CUL4A: variants seen among roughly 807,000 people sequenced by gnomAD.
CUL4A encodes cullin 4A.
A neutral mutation model predicts 95.5 loss-of-function variants in CUL4A; 16 were observed. That is an observed-to-expected ratio of 0.17 (90% confidence interval 0.11 to 0.25). The LOEUF is 0.25. Ranked by LOEUF, CUL4A falls within the 10% of genes least tolerant of loss-of-function variation. CUL4A has a pLI of 1.00. For synonymous variants in CUL4A, 380 were observed against 353.1 expected (o/e 1.08, Z -0.85); for missense variants, 610 against 937.0 (o/e 0.65, Z 4.56).
intron 18 of CUL4A, among the ~76,000 whole-genome samples, chr13:113,260,307 T>G (rs1346410542): frequency 6.6e-6 from 1 of 151,150 alleles, no homozygotes; most frequent in South Asian, 2.1e-4. Context: ...TCCCAGCACT[T>G]TGGGAGGCCA....
In CUL4A at chr13:113,265,305, ATGGGAGGGCAAGG is replaced by A. The variant is rs1382046027; in HGVS notation, c.*1731_*1743del. The stretch of plus-strand genomic sequence containing the variant: ...GTGGCTCACGCCTGTAGTCCCAGCT[ATGGGAGGGCAAGG>A]TGGGAGGATCGTTTGAGCCTGAGTT... On this transcript the variant is annotated 3_prime_UTR_variant, in exon 20 of 20. Transcript: ENST00000375440. 3 of 152,356 alleles carry A rather than the reference ATGGGAGGGCAAGG, an allele frequency of 2.0e-5. No homozygotes were observed. The East Asian group carries it at 5.8e-4, about 29-fold the overall frequency. The allele number at this position is 152,356 out of a possible 1,614,324, so 9.4% of individuals were successfully genotyped here.
chr13:113,235,022 T>C, intron 7 of CUL4A, 41 bp from the exon 8 acceptor site: 3 of 1,407,060 alleles, frequency 2.1e-6, no homozygotes, highest in Admixed American at 1.9e-5. Flanking sequence ...AGTGTCGACA[T>C]TCTTTTTGTT....
chr13:113,233,052 C>T, intron 5 of CUL4A, 125 bp from the exon 6 acceptor site: 1 of 994,098 alleles, frequency 1.0e-6, no homozygotes, highest in Non-Finnish European at 1.4e-6. Context: ...ATTCTTGGCA[C>T]CTAGATGTAG....
At chr13:113,220,609 G>A (rs1177352367) in intron 3 of CUL4A, among the ~76,000 whole-genome samples, 6 of 152,202 alleles carry the variant, frequency 3.9e-5, no homozygotes, top group Admixed American at 1.3e-4. Flanking sequence ...AGACTTAGGC[G>A]TTTATGAGAG....
intron 3 of CUL4A, among the ~76,000 whole-genome samples, chr13:113,224,293 C>A (rs1335799488): frequency 2.6e-5 from 4 of 151,764 alleles, no homozygotes; most frequent in Admixed American, 6.6e-5. Flanking sequence ...GCAGATCTTG[C>A]AGTGAGCCGA....
At position 113,213,070 on chromosome 13, in the gene CUL4A, C is replaced by G. The variant is rs59455819; in HGVS notation, c.264+2982C>G. On this transcript the variant is annotated intron_variant, in intron 2 of 19. Coordinates refer to ENST00000375440, the MANE Select transcript of CUL4A (RefSeq NM_001008895.4). ...TTGACGGTATATAGAATCTACAGAT[C>G]AATGTAGGAGAATTAAATTCTTAAC... Among the ~76,000 whole-genome samples, 327 of 152,100 alleles carry G rather than the reference C, an allele frequency of 2.1e-3. 2 individuals carry two copies. Among genetic ancestry groups the G allele is most frequent in the African/African-American group, 7.5e-3 (310 of 41,484 alleles).
chr13:113,254,444 A>G (rs2042070939), intron 16 of CUL4A, among the ~76,000 whole-genome samples: 1 of 152,046 alleles, frequency 6.6e-6, no homozygotes, highest in Admixed American at 6.6e-5. Context: ...TAAAAATACA[A>G]AAAATTAGCC....
intron 5 of CUL4A, among the ~76,000 whole-genome samples, chr13:113,231,176 A>C (rs1035643865): frequency 6.6e-6 from 1 of 152,202 alleles, no homozygotes; most frequent in African/African-American, 2.4e-5. Flanking sequence ...GTCTACCACA[A>C]GTGGCTAAAA....
In CUL4A at chr13:113,228,054, G is replaced by C; in HGVS notation, c.438+9G>C. ...ACCACTGCAGACAAATGGTAAGCTT[G>C]TTCACTTTTTCATCAAAACACGACC... On this transcript the variant is annotated intron_variant, in intron 4 of 19. Transcript: ENST00000375440. 6.2e-7 allele frequency: 1 copy of C among 1,609,468 alleles called. No individual in the cohort carries two copies.
intron 16 of CUL4A, among the ~76,000 whole-genome samples, chr13:113,253,824 C>T (rs1217625586): frequency 1.3e-5 from 2 of 152,162 alleles, no homozygotes; most frequent in East Asian, 3.9e-4. Flanking sequence ...CAATGAAAGG[C>T]GCTTATGAAA....
At chr13:113,256,504 A>G (rs1426239255) in intron 18 of CUL4A, among the ~76,000 whole-genome samples, 1 of 152,168 alleles carries the variant, frequency 6.6e-6, no homozygotes, top group Non-Finnish European at 1.5e-5. Context: ...GGCAGATTTC[A>G]CCAGAGCACA....
Position 113,232,189 on chromosome 13 carries a change from GCCACCA to G in CUL4A, c.513-986_513-981del, listed in dbSNP as rs1566343707. Among the ~76,000 whole-genome samples the G allele has an allele frequency of 3.3e-3, 10 of 3,020 alleles. 3 individuals are homozygous for G. Among genetic ancestry groups the G allele is most frequent in the African/African-American group, 3.5e-3 (6 of 1,694 alleles). 2.0% of individuals were successfully genotyped at this position (3,020 alleles called of 152,430 possible). A position where few individuals can be genotyped will look rare whatever the true frequency, so the allele number is the denominator to read the frequency against. On this transcript the variant is annotated intron_variant, in intron 5 of 19. Transcript: ENST00000375440. ...CTACCCGCCCACCACCATTACTGCT[GCCACCA>G]CTACCCGCCCACCACCATTACTGCT...
At position 113,244,691 on chromosome 13, in the gene CUL4A, A is replaced by T. The variant is rs575684079; in HGVS notation, c.1333+177A>T. Among the ~76,000 whole-genome samples the T allele has an allele frequency of 5.0e-3, 760 of 152,234 alleles. 1 individual carries two copies. Among genetic ancestry groups the T allele is most frequent in the Non-Finnish European group, 7.9e-3 (535 of 68,010 alleles). On this transcript the variant is annotated intron_variant, in intron 12 of 19. Transcript: ENST00000375440. Reference sequence around the variant, plus strand: ...CCCGTCTCTACTAAAAATACAAAACATTAGCCAGGCGTGGTGGCAGGCGCC... The same window carrying T: ...CCCGTCTCTACTAAAAATACAAAACTTTAGCCAGGCGTGGTGGCAGGCGCC...
chr13:113,233,810 C>G (rs2139192148), intron 6 of CUL4A, 87 bp from the exon 7 acceptor site: 4 of 848,330 alleles, frequency 4.7e-6, no homozygotes, highest in Non-Finnish European at 8.1e-6. Flanking sequence ...TCATGGCAGC[C>G]TGCCCCGTCA....
chr13:113,208,681 G>A (rs1025012990), upstream of CUL4A: 4 of 1,572,122 alleles, frequency 2.5e-6, no homozygotes, highest in Non-Finnish European at 3.4e-6. Flanking sequence ...CCTCAAGCGG[G>A]CCAGCTGGCG....
At chr13:113,243,295 G>A (rs148446836) in intron 11 of CUL4A, 135 bp downstream of exon 11, 213 of 762,426 alleles carry the variant, frequency 2.8e-4, no homozygotes, top group African/African-American at 2.5e-3. Flanking sequence ...TGTGGAAAGC[G>A]TTTTTATCAA....
rs968810386 is a variant in CUL4A, at chr13:113,261,463, A to G, written c.2184+704A>G. Among the ~76,000 whole-genome samples, 5 of 152,318 alleles carry G rather than the reference A, an allele frequency of 3.3e-5. 1 individual carries two copies. In the East Asian group the frequency reaches 9.7e-4, roughly 29 times the overall value. On this transcript the variant is annotated intron_variant, in intron 19 of 19. Coordinates refer to ENST00000375440, the MANE Select transcript of CUL4A (RefSeq NM_001008895.4). ...GATGCACTAAATAGTCGAACACTTAAGAGTCTGGTGGAAGTGCCACTGTCC... is the reference window on the plus strand; with the variant it reads ...GATGCACTAAATAGTCGAACACTTAGGAGTCTGGTGGAAGTGCCACTGTCC...
chr13:113,229,629 T>A (rs1176258299), intron 5 of CUL4A, 110 bp downstream of exon 5: 5 of 897,288 alleles, frequency 5.6e-6, no homozygotes, highest in Non-Finnish European at 8.6e-6. Context: ...TACTTGTGCC[T>A]TCCTTTCTTC....
chr13:113,228,013 A>G lies in CUL4A; in HGVS notation c.406A>G (p.Asn136Asp), dbSNP rs1330135286. ...LDSVLFLKKI[N>D]TCWQDHCRQM... is the part of the protein sequence containing the mutation. The stretch of plus-strand genomic sequence containing the variant: ...TAGTGTTTTATTTTTAAAGAAGATT[A>G]ACACGTGCTGGCAGGACCACTGCAG... Residue 136 changes from asparagine to aspartate, a missense_variant, in exon 4 of 20, where the codon AAC becomes GAC. This residue lies in a region of CUL4A where 168 missense variants were observed against 185.5 expected (regional missense o/e 0.91). Transcript: ENST00000375440. The G allele has an allele frequency of 1.9e-6, 3 of 1,613,874 alleles. No individual in the cohort carries two copies. The highest frequency in any genetic ancestry group is 2.5e-6 in the Non-Finnish European group (3 of 1,179,738).
Sources: allele counts gnomAD v4.1 joint callset (sites outside exome capture counted in the v4.1 genomes callset), GRCh38; gene constraint gnomAD v4.1.1; regional missense constraint gnomAD v4.1.1; transcripts MANE v1.5; gene names NCBI Gene and HGNC (gene_info 2026-07-23, HGNC 2026-07-21).